Variants in SUMF1 observed in about 807,000 individuals in gnomAD.
The protein encoded by SUMF1 is formylglycine-generating enzyme.
A neutral mutation model predicts 47.6 loss-of-function variants in SUMF1; 48 were observed. The ratio of observed to expected loss-of-function variants is 1.01; its 90% confidence interval spans 0.80 to 1.28. The LOEUF is 1.28. Among genes scored for constraint, SUMF1 ranks in the 50% most tolerant of loss-of-function variants. SUMF1 has a pLI of 0.00. For missense variants in SUMF1, 571 were observed against 485.4 expected (o/e 1.18, Z -1.66); for synonymous variants, 230 against 192.1 (o/e 1.20, Z -1.63).
chr3:4,100,599 C>T (rs6805233), intron 8 of SUMF1, among the ~76,000 whole-genome samples: 17,895 of 151,944 alleles, frequency 0.12, 2,140 homozygotes, highest in African/African-American at 0.29. Context: ...GGGAAACCTA[C>T]ATGACAGTGG....
intron 8 of SUMF1, among the ~76,000 whole-genome samples, chr3:4,263,073 T>C (rs911897587): frequency 6.6e-6 from 1 of 152,002 alleles, no homozygotes; most frequent in African/African-American, 2.4e-5. Context: ...GTGTAGGGCA[T>C]GGGGTAAAGA....
intron 8 of SUMF1, among the ~76,000 whole-genome samples, chr3:4,110,744 C>CA (rs1693280505): frequency 6.7e-6 from 1 of 148,426 alleles, no homozygotes; most frequent in Admixed American, 6.9e-5. Context: ...ATCGCAAGGA[C>CA]AAAAAACCAA....
chr3:4,456,781 CGT>C (rs1158860397), intron 1 of SUMF1, among the ~76,000 whole-genome samples: 86 of 87,636 alleles, frequency 9.8e-4, no homozygotes, highest in East Asian at 6.3e-3. Flanking sequence ...CACATATATA[CGT>C]GTGTGTGTAT....
At chr3:4,259,304 TTTC>T (rs1161772515) in intron 8 of SUMF1, among the ~76,000 whole-genome samples, 1 of 152,130 alleles carries the variant, frequency 6.6e-6, no homozygotes, top group Non-Finnish European at 1.5e-5. Context: ...AAATAAACAG[TTTC>T]TTTTCATTGT....
At chr3:4,278,517 T>C (rs532431624) in intron 8 of SUMF1, among the ~76,000 whole-genome samples, 24 of 152,236 alleles carry the variant, frequency 1.6e-4, no homozygotes, top group African/African-American at 5.8e-4. Context: ...AAAAAGAACA[T>C]CCTAAGCTTG....
At chr3:4,233,410 AT>A (rs1222709655) in intron 8 of SUMF1, among the ~76,000 whole-genome samples, 1 of 151,988 alleles carries the variant, frequency 6.6e-6, no homozygotes, top group Non-Finnish European at 1.5e-5. Flanking sequence ...AGCCGTTTTC[AT>A]TTTTAATATA....
chr3:4,453,594 C>T (rs1000596627), intron 1 of SUMF1, among the ~76,000 whole-genome samples: 2 of 150,062 alleles, frequency 1.3e-5, no homozygotes, highest in Non-Finnish European at 3.0e-5. Context: ...AGTACAGTGG[C>T]ACAATCACGG....
At chr3:4,189,176 T>C (rs1006136627) in intron 8 of SUMF1, among the ~76,000 whole-genome samples, 6 of 152,140 alleles carry the variant, frequency 3.9e-5, no homozygotes, top group Admixed American at 6.6e-5. Context: ...CTGGGGATTT[T>C]TTGTATTTGT....
chr3:4,296,322 C>T (rs1697850158), intron 8 of SUMF1, among the ~76,000 whole-genome samples: 1 of 138,744 alleles, frequency 7.2e-6, no homozygotes, highest in Admixed American at 7.1e-5. Flanking sequence ...AAAAAAAAAG[C>T]TTACCCATCT....
At chr3:4,309,047 G>A (rs924220114) in intron 8 of SUMF1, among the ~76,000 whole-genome samples, 4 of 152,176 alleles carry the variant, frequency 2.6e-5, no homozygotes, top group Admixed American at 1.3e-4. Context: ...AGGACAGTTG[G>A]AAGCAGAGGC....
At chr3:4,338,621 A>G (rs1014632374) in intron 8 of SUMF1, among the ~76,000 whole-genome samples, 2 of 152,226 alleles carry the variant, frequency 1.3e-5, no homozygotes, top group Non-Finnish European at 2.9e-5. Context: ...CAGGACGCAA[A>G]GCAATTTTCA....
intron 8 of SUMF1, among the ~76,000 whole-genome samples, chr3:4,166,014 T>C (rs1487102440): frequency 6.6e-6 from 1 of 152,032 alleles, no homozygotes; most frequent in Non-Finnish European, 1.5e-5. Flanking sequence ...AGCTCACCAA[T>C]GCAGCAGCAG....
At position 4,425,101 on chromosome 3, in the gene SUMF1, A is replaced by AT. The variant is rs1702027201; in HGVS notation, c.520-4956dup. ...GCAAATTATCTACTGTATTATGATA[A>AT]TTAGGGAAAAAAAGATTACTCTTCT... On this transcript the variant is annotated intron_variant, in intron 3 of 8. Coordinates refer to ENST00000272902, the MANE Select transcript of SUMF1 (RefSeq NM_182760.4). Among the ~76,000 whole-genome samples, 3 of 152,328 alleles carry AT rather than the reference A, an allele frequency of 2.0e-5. No homozygotes were observed. The South Asian group carries it at 6.2e-4, about 32-fold the overall frequency.
intron 8 of SUMF1, among the ~76,000 whole-genome samples, chr3:4,250,302 G>T (rs889010843): frequency 6.7e-6 from 1 of 149,360 alleles, no homozygotes; most frequent in Admixed American, 6.7e-5. Flanking sequence ...GAGGGAAGGA[G>T]GGAAGGAGGG....
Position 4,467,114 on chromosome 3 carries a change from C to T in SUMF1, c.132G>A (p.Gly44=). 3 of 1,561,654 alleles carry T rather than the reference C, an allele frequency of 1.9e-6. No individual in the cohort carries two copies. The highest frequency in any genetic ancestry group is 2.6e-6 in the Non-Finnish European group (3 of 1,154,392). ...SQEAGTGAGA[G]SLAGSCGCGT... ...CGCAGCCGCAAGAACCCGCAAGGGA[C>T]CCCGCGCCCGCACCGGTCCCGGCCT... The change falls in exon 1 of 9, where the codon GGG becomes GGA. Residue 44 remains glycine (G), a synonymous_variant. Transcript: ENST00000272902.
At chr3:4,206,784 C>T (rs1695662152) in intron 8 of SUMF1, among the ~76,000 whole-genome samples, 1 of 152,080 alleles carries the variant, frequency 6.6e-6, no homozygotes, top group Non-Finnish European at 1.5e-5. Context: ...TCTATTCAGC[C>T]ATCTTGCTCC....
At chr3:4,381,430 A>G (rs1700501798) in intron 7 of SUMF1, among the ~76,000 whole-genome samples, 1 of 152,218 alleles carries the variant, frequency 6.6e-6, no homozygotes, top group Admixed American at 6.5e-5. Context: ...ACAGATCACC[A>G]CTAAAGAACT....
At chr3:4,142,182 T>C (rs1694086283) in intron 8 of SUMF1, among the ~76,000 whole-genome samples, 1 of 152,144 alleles carries the variant, frequency 6.6e-6, no homozygotes, top group Non-Finnish European at 1.5e-5. Context: ...AAGGAATAGT[T>C]TGTCTGCTTT....
At chr3:4,276,630 T>A (rs1697422708) in intron 8 of SUMF1, among the ~76,000 whole-genome samples, 1 of 152,180 alleles carries the variant, frequency 6.6e-6, no homozygotes, top group Admixed American at 6.5e-5. Flanking sequence ...TATTGCAAGA[T>A]ATAATTGATT....
Sources: gnomAD v4.1 joint callset for allele counts (sites outside exome capture counted in the v4.1 genomes callset) on GRCh38, gnomAD v4.1.1 for gene constraint, MANE v1.5 for transcripts, NCBI Gene and HGNC (gene_info 2026-07-23, HGNC 2026-07-21) for gene names.